GK: variants seen among roughly 807,000 people sequenced by gnomAD.
GK encodes ATP:glycerol 3-phosphotransferase.
GK carries 9 observed loss-of-function variants against 56.4 expected under a neutral mutation model. That is an observed-to-expected ratio of 0.16 (90% CI 0.10 to 0.28). The LOEUF (loss-of-function observed/expected upper bound fraction) is 0.28. Among genes scored for constraint, GK ranks in the 10% least tolerant of loss-of-function variants. The pLI is 1.00. For missense variants in GK, 161 were observed against 431.4 expected, an observed-to-expected ratio of 0.37 and a Z score of 5.55; for synonymous variants, 104 against 144.1, an observed-to-expected ratio of 0.72 and a Z score of 1.99.
rs1246343210 is a variant in GK, at chrX:30,668,107, C to T, written c.248C>T (p.Ser83Phe). Residue 83 changes from serine (S) to phenylalanine (F), a missense_variant, in exon 3 of 21, where the codon TCC (serine) becomes TTC (phenylalanine). Transcript: ENST00000427190. ...EKLGQLNIDI[S>F]NIKAIGVSNQ... ...CTTGGACAGCTCAATATTGATATTTCCAACATAAAAGGTATTTTAGTAGAA... is the reference window on the plus strand; with the variant it reads ...CTTGGACAGCTCAATATTGATATTTTCAACATAAAAGGTATTTTAGTAGAA... The T allele has an allele frequency of 1.0e-6, 1 of 987,172 alleles. No homozygotes were observed. Among genetic ancestry groups the T allele is most frequent in the Admixed American group, 2.2e-5 (1 of 45,687 alleles). 81.4% of individuals were successfully genotyped at this position (987,172 alleles called of 1,213,427 possible). A position where few individuals can be genotyped will look rare whatever the true frequency, so the allele number is the denominator to read the frequency against.
intron 4 of GK, among the ~76,000 whole-genome samples, chrX:30,688,988 A>G (rs1314730056): frequency 8.9e-6 from 1 of 112,585 alleles, no homozygotes; most frequent in Non-Finnish European, 1.9e-5. Context: ...GCAAATCCAC[A>G]TAACTAAAAC....
At chrX:30,727,831 T>C (rs1053342149) in intron 20 of GK, among the ~76,000 whole-genome samples, 33 of 111,745 alleles carry the variant, frequency 3.0e-4, no homozygotes, top group African/African-American at 1.0e-3. Flanking sequence ...AAAATACTAA[T>C]ATTTAAATGA....
intron 3 of GK, among the ~76,000 whole-genome samples, chrX:30,670,224 G>A (rs1272310220): frequency 1.8e-5 from 2 of 111,987 alleles, no homozygotes; most frequent in Non-Finnish European, 3.8e-5. Flanking sequence ...AGTAATCCAG[G>A]CAGCTTAAAG....
Position 30,729,030 on chromosome X carries a change from T to G in GK, c.*288T>G, listed in dbSNP as rs1423395744. On this transcript the variant is annotated 3_prime_UTR_variant, in exon 21 of 21. Transcript: ENST00000427190. ...TCCATTGCCATAACATCCTGCTCCA[T>G]TCCCTCTAAGATGTAGGAAGAATTC... 7 of 339,087 alleles carry G rather than the reference T, an allele frequency of 2.1e-5. No homozygotes were observed. The highest frequency in any genetic ancestry group is 1.6e-4 in the African/African-American group (6 of 37,820). The allele number at this position is 339,087 out of a possible 1,213,427, so 27.9% of individuals were successfully genotyped here. A position where few individuals can be genotyped will look rare whatever the true frequency, so the allele number is the denominator to read the frequency against.
At chrX:30,712,911 A>C (rs1936419671) in intron 13 of GK, among the ~76,000 whole-genome samples, 1 of 108,521 alleles carries the variant, frequency 9.2e-6, no homozygotes, top group African/African-American at 3.4e-5. Context: ...TTTTTAGTAA[A>C]GACTGGAAAT....
intron 4 of GK, chrX:30,687,587 C>T (rs773405323): frequency 1.8e-5 from 6 of 340,154 alleles, no homozygotes; most frequent in Non-Finnish European, 2.9e-5. Context: ...CCCTCTGGCT[C>T]TTCAGTTCCA....
chrX:30,709,726 ATATT>A (rs946216196), intron 13 of GK, among the ~76,000 whole-genome samples: 4 of 111,006 alleles, frequency 3.6e-5, no homozygotes, highest in African/African-American at 1.3e-4. Context: ...TATTAAATTA[ATATT>A]TATTAATTAA....
At chrX:30,709,912 T>C (rs2147241097) in intron 13 of GK, among the ~76,000 whole-genome samples, 1 of 111,509 alleles carries the variant, frequency 9.0e-6, no homozygotes, top group Non-Finnish European at 1.9e-5. Flanking sequence ...TTTAATTTCA[T>C]AATAGTGATT....
chrX:30,713,052 C>G (rs1011362368), intron 13 of GK, among the ~76,000 whole-genome samples: 2 of 111,647 alleles, frequency 1.8e-5, no homozygotes, highest in African/African-American at 6.5e-5. Context: ...TTTCTTAATA[C>G]AAGATTTCTT....
intron 20 of GK, among the ~76,000 whole-genome samples, chrX:30,727,894 A>T (rs896882145): frequency 1.8e-5 from 2 of 111,896 alleles, no homozygotes; most frequent in African/African-American, 6.5e-5. Context: ...GACATTAATT[A>T]AATTGTCTTT....
chrX:30,668,600 G>A (rs966804282), intron 3 of GK, among the ~76,000 whole-genome samples: 1 of 111,875 alleles, frequency 8.9e-6, no homozygotes, highest in African/African-American at 3.2e-5. Context: ...GTCAAAAGAA[G>A]ACTAAAAATG....
In GK at chrX:30,694,299, G is replaced by T. The variant is rs775198261; in HGVS notation, c.415-101G>T. The T allele has an allele frequency of 4.1e-6, 3 of 736,180 alleles. No homozygotes were observed. The African/African-American group carries it at 6.3e-5, about 15-fold the overall frequency. The allele number at this position is 736,180 out of a possible 1,213,427, so 60.7% of individuals were successfully genotyped here. On this transcript the variant is annotated intron_variant, in intron 5 of 20. Transcript: ENST00000427190. Reference sequence around the variant, plus strand: ...ATAATACTATGGGATTGCCTTCAGGGTCTTTGAATATTTTGTGATTTGTTG... The same window carrying T: ...ATAATACTATGGGATTGCCTTCAGGTTCTTTGAATATTTTGTGATTTGTTG...
intron 13 of GK, among the ~76,000 whole-genome samples, chrX:30,709,347 C>A (rs982538287): frequency 1.8e-5 from 2 of 112,019 alleles, no homozygotes; most frequent in African/African-American, 6.5e-5. Context: ...CTCCTGTCTC[C>A]TTTACCAGTA....
At chrX:30,662,048 A>G (rs945320656) in intron 1 of GK, among the ~76,000 whole-genome samples, 1 of 112,084 alleles carries the variant, frequency 8.9e-6, no homozygotes, top group Non-Finnish European at 1.9e-5. Context: ...ATATATGAGG[A>G]AAAAAGTACT....
intron 4 of GK, among the ~76,000 whole-genome samples, chrX:30,679,225 T>G (rs995344031): frequency 9.1e-6 from 1 of 109,594 alleles, no homozygotes; most frequent in Non-Finnish European, 1.9e-5. Flanking sequence ...CTGAGCTTTT[T>G]TTTTTTTTTT....
chrX:30,663,938 G>C (rs867575936), intron 1 of GK, among the ~76,000 whole-genome samples: 12 of 88,353 alleles, frequency 1.4e-4, no homozygotes, highest in Non-Finnish European at 1.5e-4. Context: ...CTCTCTCTCT[G>C]TATATATATA....
intron 11 of GK, among the ~76,000 whole-genome samples, chrX:30,702,915 G>A (rs1346504194): frequency 9.0e-6 from 1 of 111,701 alleles, no homozygotes; most frequent in African/African-American, 3.3e-5. Context: ...GGAGGGATGT[G>A]GGAATTCTTT....
At chrX:30,726,365 G>A (rs909812569) in intron 19 of GK, among the ~76,000 whole-genome samples, 33 of 103,489 alleles carry the variant, frequency 3.2e-4, no homozygotes, top group Admixed American at 2.6e-3. Flanking sequence ...TCTGCTCACC[G>A]CAACCTCCAC....
At chrX:30,712,556 CTTTT>C (rs199710389) in intron 13 of GK, among the ~76,000 whole-genome samples, 1 of 103,436 alleles carries the variant, frequency 9.7e-6, no homozygotes, top group African/African-American at 3.5e-5. Flanking sequence ...TTTCAGTTCT[CTTTT>C]TTTTTTATTC....
Sources: gnomAD v4.1 joint callset for allele counts (sites outside exome capture counted in the v4.1 genomes callset) on GRCh38, gnomAD v4.1.1 for gene constraint, MANE v1.5 for transcripts, NCBI Gene and HGNC (gene_info 2026-07-23, HGNC 2026-07-21) for gene names.